The following MDM2 variants were observed in gnomAD, a reference collection of about 807,000 sequenced individuals.
MDM2 encodes the protein E3 ubiquitin-protein ligase Mdm2.
A neutral mutation model predicts 64.3 loss-of-function variants in MDM2; 11 were observed. The observed-to-expected ratio is 0.17, with a 90% CI of 0.11 to 0.28. The LOEUF (loss-of-function observed/expected upper bound fraction) is 0.28, where lower values mean the gene tolerates loss of function less well. Ranked by LOEUF, MDM2 falls within the 10% of genes least tolerant of loss-of-function variation. MDM2 has a pLI of 1.00. For synonymous variants in MDM2, 194 were observed against 192.9 expected, an observed-to-expected ratio of 1.01 and a Z score of -0.05; for missense variants, 388 against 577.1, an observed-to-expected ratio of 0.67 and a Z score of 3.36.
chr12:68,820,215 C>A, intron 4 of MDM2, 110 bp from the exon 5 acceptor site: 2 of 751,518 alleles, frequency 2.7e-6, no homozygotes, highest in South Asian at 1.8e-5. Context: ...TGAATGTGTG[C>A]AGTAGTTCAT....
intron 2 of MDM2, among the ~76,000 whole-genome samples, chr12:68,810,548 G>A (rs898270335): frequency 1.3e-5 from 2 of 151,596 alleles, no homozygotes; most frequent in African/African-American, 2.4e-5. Flanking sequence ...TGCAATCTCC[G>A]TTCCCCGGGT....
chr12:68,831,487 G>A (rs1033570446), intron 8 of MDM2, among the ~76,000 whole-genome samples: 3 of 152,114 alleles, frequency 2.0e-5, no homozygotes, highest in Non-Finnish European at 4.4e-5. Context: ...ATGTGGGGGC[G>A]GCCATGCTGT....
Position 68,839,933 on chromosome 12 carries a change from A to C in MDM2, c.*84A>C, listed in dbSNP as rs1178604124. On this transcript the variant is annotated 3_prime_UTR_variant, in exon 11 of 11. Transcript: ENST00000258149. ...AACCTGAAATTTATTCACATATATC[A>C]AAGTGAGAAAATGCCTCAATTCACA... 3 of 1,240,902 alleles carry C rather than the reference A, an allele frequency of 2.4e-6. No individual in the cohort carries two copies. The South Asian group carries it at 4.5e-5, about 19-fold the overall frequency. The allele number at this position is 1,240,902 out of a possible 1,614,324, so 76.9% of individuals were successfully genotyped here. A position where few individuals can be genotyped will look rare whatever the true frequency, so the allele number is the denominator to read the frequency against.
rs1278852743 is a variant in MDM2 at position 68,843,134 on chromosome 12, A to G, written c.*3285A>G. 2.2e-5 allele frequency: 5 copies of G among 223,544 alleles called. No homozygotes were observed. Among genetic ancestry groups the G allele is most frequent in the African/African-American group, 8.9e-5 (4 of 44,744 alleles). 13.8% of individuals were successfully genotyped at this position (223,544 alleles called of 1,614,324 possible). ...AGCCACACAATAATTTTGGAAAACA[A>G]TGTATGGGTAGAACATGTGTCTGTT... is the stretch of plus-strand genomic sequence containing the variant. On this transcript the variant is annotated 3_prime_UTR_variant, in exon 11 of 11. Transcript: ENST00000258149.
intron 7 of MDM2, chr12:68,828,102 G>A (rs1416751468): frequency 6.6e-6 from 1 of 152,224 alleles, no homozygotes; most frequent in Admixed American, 6.5e-5. Context: ...CTGCACTCCA[G>A]CCTGGGTGGT....
Position 68,842,561 on chromosome 12 carries a change from C to G in MDM2, c.*2712C>G, listed in dbSNP as rs1396164922. On this transcript the variant is annotated 3_prime_UTR_variant, in exon 11 of 11. Coordinates refer to ENST00000258149, the MANE Select transcript of MDM2 (RefSeq NM_002392.6). ...AGATAATATGGATGTTTGATCGCAT[C>G]TCATTGTTAACTCTTTACTGATATG... The G allele has an allele frequency of 2.9e-6, 1 of 346,070 alleles. No homozygotes were observed. The highest frequency in any genetic ancestry group is 2.1e-5 in the African/African-American group (1 of 47,416). 21.4% of individuals were successfully genotyped at this position (346,070 alleles called of 1,614,324 possible).
At chr12:68,822,167 A>G (rs1416775401) in intron 5 of MDM2, among the ~76,000 whole-genome samples, 1 of 152,062 alleles carries the variant, frequency 6.6e-6, no homozygotes, top group Non-Finnish European at 1.5e-5. Context: ...ACTTGTTTAT[A>G]TTTTTGTTAC....
At chr12:68,831,486 C>T (rs1002132544) in intron 8 of MDM2, among the ~76,000 whole-genome samples, 2 of 152,058 alleles carry the variant, frequency 1.3e-5, no homozygotes, top group Non-Finnish European at 2.9e-5. Context: ...TATGTGGGGG[C>T]GGCCATGCTG....
At chr12:68,819,875 G>T (rs3730541) in intron 4 of MDM2, among the ~76,000 whole-genome samples, 1 of 152,130 alleles carries the variant, frequency 6.6e-6, no homozygotes, top group African/African-American at 2.4e-5. Context: ...CTATTTAATG[G>T]ATTTTGCGTA....
chr12:68,809,202 T>A lies in MDM2; in HGVS notation c.15-6T>A, dbSNP rs1211319603. The A allele has an allele frequency of 6.2e-7, 1 of 1,610,980 alleles. No individual in the cohort carries two copies. The highest frequency in any genetic ancestry group is 1.1e-5 in the South Asian group (1 of 90,356). On this transcript the variant is annotated splice_polypyrimidine_tract_variant and splice_region_variant and intron_variant, in intron 1 of 10. Coordinates refer to ENST00000258149, the MANE Select transcript of MDM2 (RefSeq NM_002392.6). Reference sequence around the variant, plus strand: ...AGTTTTCATCGTGTCTTTTTTTTCCTTGTAGGCAAATGTGCAATACCAACA... The same window carrying A: ...AGTTTTCATCGTGTCTTTTTTTTCCATGTAGGCAAATGTGCAATACCAACA...
chr12:68,829,014 T>C, intron 8 of MDM2, 83 bp downstream of exon 8: 1 of 1,318,116 alleles, frequency 7.6e-7, no homozygotes, highest in Non-Finnish European at 1.1e-6. Flanking sequence ...ACGGATAGAA[T>C]GTACATGTGT....
chr12:68,823,649 T>C (rs560949862), intron 5 of MDM2, among the ~76,000 whole-genome samples: 4 of 152,338 alleles, frequency 2.6e-5, no homozygotes, highest in East Asian at 3.9e-4. Flanking sequence ...CTTTTTCTTA[T>C]GTTTTGCTAG....
chr12:68,815,320 T>C (rs1172561522), intron 3 of MDM2, among the ~76,000 whole-genome samples: 1 of 152,130 alleles, frequency 6.6e-6, no homozygotes, highest in East Asian at 1.9e-4. Context: ...CTGATATAGT[T>C]CTCAGTTATA....
At chr12:68,816,135 G>C (rs954834656) in intron 3 of MDM2, among the ~76,000 whole-genome samples, 4 of 151,992 alleles carry the variant, frequency 2.6e-5, no homozygotes, top group African/African-American at 7.2e-5. Context: ...TTACTAAGTG[G>C]CTCCAGACCA....
At chr12:68,809,542 C>T (rs896673770) in intron 2 of MDM2, among the ~76,000 whole-genome samples, 1 of 152,084 alleles carries the variant, frequency 6.6e-6, no homozygotes, top group African/African-American at 2.4e-5. Context: ...GTTGAAGTTA[C>T]GTTTGTTACG....
At chr12:68,810,020 T>C (rs1400554022) in intron 2 of MDM2, among the ~76,000 whole-genome samples, 1 of 152,178 alleles carries the variant, frequency 6.6e-6, no homozygotes, top group Non-Finnish European at 1.5e-5. Context: ...AAAGATTTTA[T>C]AGAATTATAG....
At chr12:68,827,257 A>C (rs1882414147) in intron 7 of MDM2, among the ~76,000 whole-genome samples, 1 of 152,084 alleles carries the variant, frequency 6.6e-6, no homozygotes, top group Non-Finnish European at 1.5e-5. Context: ...ATGGGTGAAA[A>C]ATGATATCAT....
intron 2 of MDM2, 84 bp from the exon 3 acceptor site, chr12:68,813,470 T>C: frequency 2.3e-6 from 2 of 883,598 alleles, no homozygotes; most frequent in Non-Finnish European, 3.6e-6. Context: ...TCCCCTTTAT[T>C]GAACTTGATG....
intron 2 of MDM2, among the ~76,000 whole-genome samples, chr12:68,810,446 C>A (rs1239588217): frequency 6.6e-6 from 1 of 152,014 alleles, no homozygotes; most frequent in Non-Finnish European, 1.5e-5. Context: ...CTGAATATCA[C>A]CAATCTTTAA....
Sources: gnomAD v4.1 joint callset for allele counts (sites outside exome capture counted in the v4.1 genomes callset) on GRCh38, gnomAD v4.1.1 for gene constraint, MANE v1.5 for transcripts, NCBI Gene and HGNC (gene_info 2026-07-23, HGNC 2026-07-21) for gene names.